UVSSA: variants seen among roughly 807,000 people sequenced by gnomAD.
UVSSA encodes UV stimulated scaffold protein A, also known as UV-stimulated scaffold protein A.
A neutral mutation model predicts 73.9 loss-of-function variants in UVSSA; 72 were observed. The observed-to-expected ratio is 0.97, with a 90% CI of 0.81 to 1.19. The LOEUF is 1.19. Ranked by LOEUF, UVSSA falls within the 50% of genes most tolerant of loss-of-function variation. The pLI, the probability that UVSSA is intolerant of heterozygous loss-of-function variation, is 0.00. For missense variants in UVSSA, 1,150 were observed against 965.0 expected (o/e 1.19, Z -2.54); for synonymous variants, 454 against 391.3 (o/e 1.16, Z -1.89).
At chr4:1,382,683 C>G (rs1469581081) in intron 12 of UVSSA, among the ~76,000 whole-genome samples, 1 of 152,204 alleles carries the variant, frequency 6.6e-6, no homozygotes, top group East Asian at 1.9e-4. Flanking sequence ...TTTCCTTAAT[C>G]TTGGATTAAT....
At chr4:1,344,892 CTG>C (rs1713561892), upstream of UVSSA, among the ~76,000 whole-genome samples, 1 of 152,274 alleles carries the variant, frequency 6.6e-6, no homozygotes, top group East Asian at 1.9e-4. Context: ...GCAAGGAACT[CTG>C]TGGATACTGG....
exon 14 of UVSSA, chr4:1,395,923 C>T (rs546704857): frequency 2.6e-6 from 4 of 1,563,090 alleles, no homozygotes; most frequent in East Asian, 4.5e-5. Flanking sequence ...ATTTGTTAGC[C>T]TGGTGCTTTT....
At chr4:1,359,522 G>C (rs2878607) in intron 7 of UVSSA, 116,248 of 152,224 alleles carry the variant, frequency 0.76, 45,414 homozygotes, top group African/African-American at 0.93. Flanking sequence ...AGTCAGAAAC[G>C]CATCTTAAGC....
chr4:1,378,980 G>C (rs1719104662), intron 10 of UVSSA, among the ~76,000 whole-genome samples: 1 of 152,110 alleles, frequency 6.6e-6, no homozygotes. Flanking sequence ...CAGAAATGAG[G>C]TCCAGGCGGC....
chr4:1,378,862 G>A (rs1326875424), intron 10 of UVSSA, among the ~76,000 whole-genome samples: 1 of 152,230 alleles, frequency 6.6e-6, no homozygotes, highest in African/African-American at 2.4e-5. Flanking sequence ...GGCTTTGCCC[G>A]AGACGCCTCT....
rs1361717254 is a variant in UVSSA at position 1,349,640 on chromosome 4, C to T, written c.215C>T (p.Ser72Phe). ...ATTGTGGAGGAACTCTTCGTCAGGTCTCACCAGTTCCGGATGCTGGTTGTT... is the reference window on the plus strand; with the variant it reads ...ATTGTGGAGGAACTCTTCGTCAGGTTTCACCAGTTCCGGATGCTGGTTGTT... ...FQIVEELFVR[S>F]HQFRMLVVSN... is the part of the protein sequence containing the mutation. Residue 72 changes from serine (S) to phenylalanine (F), a missense_variant, in exon 3 of 14, where the codon TCT (serine) becomes TTT (phenylalanine). By Grantham distance (155) the Ser-to-Phe change is radical. Transcript: ENST00000389851. The T allele has an allele frequency of 6.2e-7, 1 of 1,614,106 alleles. No homozygotes were observed. Among genetic ancestry groups the T allele is most frequent in the Non-Finnish European group, 8.5e-7 (1 of 1,180,008 alleles).
chr4:1,342,147 G>A (rs972220014), upstream of UVSSA, among the ~76,000 whole-genome samples: 1 of 152,200 alleles, frequency 6.6e-6, no homozygotes, highest in African/African-American at 2.4e-5. Context: ...CTGAGTCATG[G>A]TGTGTTTATG....
At chr4:1,373,201 AT>A (rs1718351353) in intron 8 of UVSSA, among the ~76,000 whole-genome samples, 1 of 152,210 alleles carries the variant, frequency 6.6e-6, no homozygotes, top group South Asian at 2.1e-4. Context: ...GTATCAGCTA[AT>A]TTATATGACC....
chr4:1,352,433 G>A (rs190388590), intron 4 of UVSSA, among the ~76,000 whole-genome samples: 35 of 152,368 alleles, frequency 2.3e-4, no homozygotes, highest in Admixed American at 2.3e-3. Flanking sequence ...GCAGGCAGCT[G>A]GGTGCCCAGA....
chr4:1,373,398 C>G (rs1316176057), intron 8 of UVSSA, among the ~76,000 whole-genome samples: 1 of 152,198 alleles, frequency 6.6e-6, no homozygotes, highest in Non-Finnish European at 1.5e-5. Context: ...TGGCAGCTGA[C>G]TAGATGGTGC....
rs1022591222 is a variant in UVSSA, at chr4:1,376,696, G to T, written c.1568+528G>T. Among the ~76,000 whole-genome samples the T allele has an allele frequency of 2.6e-5, 4 of 152,200 alleles. No homozygotes were observed. The South Asian group carries it at 8.3e-4, about 31-fold the overall frequency. On this transcript the variant is annotated intron_variant, in intron 10 of 13. Coordinates refer to ENST00000389851, the MANE Select transcript of UVSSA (RefSeq NM_020894.4). ...CTGCAGCAGAAGGGGGCACACGGGG[G>T]TCATCTGTGCGAAAGTCCGGACCGT...
chr4:1,345,506 G>A (rs759799372), upstream of UVSSA, among the ~76,000 whole-genome samples: 8 of 152,040 alleles, frequency 5.3e-5, no homozygotes, highest in South Asian at 2.1e-4. Context: ...TGAGCTGGGC[G>A]TGGTGGCGGG....
At chr4:1,364,016 C>T (rs867359851) in intron 7 of UVSSA, among the ~76,000 whole-genome samples, 185 of 107,304 alleles carry the variant, frequency 1.7e-3, no homozygotes, top group South Asian at 6.8e-3. Flanking sequence ...GGCCACCTCC[C>T]GGCAGGGTGC....
intron 8 of UVSSA, among the ~76,000 whole-genome samples, chr4:1,372,834 T>TCCCTGCACTCATCTCCTGCTA (rs1560469265): frequency 1.7e-3 from 57 of 34,160 alleles, no homozygotes; most frequent in African/African-American, 8.9e-3. Context: ...ACCTCCCGCG[T>TCCCTGCACTCATCTCCTGCTA]CTCAGGGCAC....
intron 13 of UVSSA, 42 bp downstream of exon 13, chr4:1,383,982 C>G (rs1719812974): frequency 1.3e-6 from 2 of 1,580,186 alleles, no homozygotes. Context: ...CGTGGCCCCC[C>G]CGTGTGAGGG....
chr4:1,366,594 G>A lies in UVSSA; in HGVS notation c.1288+163G>A, dbSNP rs111534956. On this transcript the variant is annotated intron_variant, in intron 8 of 13. Coordinates refer to ENST00000389851, the MANE Select transcript of UVSSA (RefSeq NM_020894.4). ...TTTTCCTGCTCACGGTCGTAGCCAC[G>A]AGGCCGAGAAGTCGTGTGTGTGCTT... Among the ~76,000 whole-genome samples, 17 of 152,306 alleles carry A rather than the reference G, an allele frequency of 1.1e-4. 1 individual carries two copies. The highest frequency in any genetic ancestry group is 3.6e-4 in the African/African-American group (15 of 41,554).
chr4:1,375,609 T>G, intron 9 of UVSSA, 101 bp downstream of exon 9: 1 of 1,499,690 alleles, frequency 6.7e-7, no homozygotes. Context: ...GTGCCTTTTC[T>G]GGATATCTTG....
chr4:1,371,974 A>T (rs1453557542), intron 8 of UVSSA, among the ~76,000 whole-genome samples: 2 of 152,206 alleles, frequency 1.3e-5, no homozygotes, highest in Non-Finnish European at 2.9e-5. Context: ...ATACCTCTGC[A>T]CCCGTAGCCC....
rs374515733 is a variant in UVSSA at position 1,380,127 on chromosome 4, G to C, written c.1649G>C (p.Arg550Pro). ...AATGCCGACATCTCCGAGATGCTCCGGAGCCGCCACATCACTTTTGCCGGG... is the reference window on the plus strand; with the variant it reads ...AATGCCGACATCTCCGAGATGCTCCCGAGCCGCCACATCACTTTTGCCGGG... ...VVNADISEML[R>P]SRHITFAGKF... The change falls in exon 11 of 14, where the codon CGG (arginine) becomes CCG (proline). Residue 550 changes from arginine to proline, a missense_variant. Arg to Pro is a moderately radical substitution (Grantham distance 103). Transcript: ENST00000389851. 4 of 1,613,036 alleles carry C rather than the reference G, an allele frequency of 2.5e-6. No individual in the cohort carries two copies. In the African/African-American group the frequency reaches 4.0e-5, roughly 16 times the overall value.
Sources: allele counts gnomAD v4.1 joint callset (sites outside exome capture counted in the v4.1 genomes callset), GRCh38; gene constraint gnomAD v4.1.1; transcripts MANE v1.5; gene names NCBI Gene and HGNC (gene_info 2026-07-23, HGNC 2026-07-21).